The following ZCCHC7 variants were observed in gnomAD, a reference collection of about 807,000 sequenced individuals.
ZCCHC7 encodes the protein zinc finger CCHC domain-containing protein 7.
Under a neutral mutation model 52.0 loss-of-function variants are expected in ZCCHC7, and 35 were observed. That is an observed-to-expected ratio of 0.67 (90% CI 0.51 to 0.89). ZCCHC7 has a LOEUF of 0.89. ZCCHC7 is among the 40% of genes least tolerant of loss of function. ZCCHC7 has a pLI of 0.00. For synonymous variants in ZCCHC7, 217 were observed against 221.5 expected, an observed-to-expected ratio of 0.98 and a Z score of 0.18; for missense variants, 574 against 649.1, an observed-to-expected ratio of 0.88 and a Z score of 1.26.
chr9:37,132,626 T>G (rs962081439), intron 2 of ZCCHC7, among the ~76,000 whole-genome samples: 1 of 151,494 alleles, frequency 6.6e-6, no homozygotes, highest in Non-Finnish European at 1.5e-5. Context: ...TCAGTGTCTG[T>G]GGGGGATTGG....
chr9:37,140,060 A>G (rs1456970356), intron 2 of ZCCHC7, among the ~76,000 whole-genome samples: 7 of 151,980 alleles, frequency 4.6e-5, no homozygotes, highest in Non-Finnish European at 1.0e-4. Flanking sequence ...AATATGACAT[A>G]CATATACATT....
intron 2 of ZCCHC7, among the ~76,000 whole-genome samples, chr9:37,160,762 G>C (rs763762275): frequency 4.6e-5 from 7 of 151,154 alleles, no homozygotes; most frequent in Non-Finnish European, 8.9e-5. Flanking sequence ...AGCTGGTGCC[G>C]GTAATCCCAA....
rs1235834964 is a variant in ZCCHC7 at position 37,357,546 on chromosome 9, A to G, written c.*278A>G. 4.2e-6 allele frequency: 1 copy of G among 237,964 alleles called. No individual in the cohort carries two copies. The highest frequency in any genetic ancestry group is 2.2e-5 in the African/African-American group (1 of 44,716). 14.7% of individuals were successfully genotyped at this position (237,964 alleles called of 1,614,324 possible). A position where few individuals can be genotyped will look rare whatever the true frequency, so the allele number is the denominator to read the frequency against. Reference sequence around the variant, plus strand: ...ATCCTAGGGATAGGTAGAAGAATTCATCTTTTCAAGAAAGTGTTTTAAAAA... The same window carrying G: ...ATCCTAGGGATAGGTAGAAGAATTCGTCTTTTCAAGAAAGTGTTTTAAAAA... On this transcript the variant is annotated 3_prime_UTR_variant, in exon 9 of 9. Transcript: ENST00000336755.
At chr9:37,229,579 T>C (rs981084002) in intron 2 of ZCCHC7, among the ~76,000 whole-genome samples, 2 of 152,136 alleles carry the variant, frequency 1.3e-5, no homozygotes, top group African/African-American at 2.4e-5. Flanking sequence ...GTAAAAAATA[T>C]GGCATAAAAG....
intron 2 of ZCCHC7, among the ~76,000 whole-genome samples, chr9:37,184,118 T>G (rs1216813789): frequency 6.6e-6 from 1 of 152,240 alleles, no homozygotes; most frequent in Non-Finnish European, 1.5e-5. Flanking sequence ...TATGCTGACA[T>G]TCACACTTGT....
chr9:37,350,396 T>C (rs1220542756), intron 7 of ZCCHC7, among the ~76,000 whole-genome samples: 8 of 152,198 alleles, frequency 5.3e-5, no homozygotes, highest in Non-Finnish European at 1.2e-4. Context: ...CCTCCAAAAG[T>C]GTTGGGGTTA....
chr9:37,200,253 C>T (rs1046848826), intron 2 of ZCCHC7, among the ~76,000 whole-genome samples: 1 of 151,778 alleles, frequency 6.6e-6, no homozygotes, highest in African/African-American at 2.4e-5. Flanking sequence ...CCTTTTTTCA[C>T]TCTTCACTGT....
In ZCCHC7 at chr9:37,209,914, T is replaced by C. The variant is rs368047961; in HGVS notation, c.610+82972T>C. Among the ~76,000 whole-genome samples the C allele has an allele frequency of 1.5e-4, 23 of 152,362 alleles. No individual in the cohort carries two copies. In the East Asian group the frequency reaches 1.7e-3, roughly 11 times the overall value. On this transcript the variant is annotated intron_variant, in intron 2 of 8. Coordinates refer to ENST00000336755, the MANE Select transcript of ZCCHC7 (RefSeq NM_032226.3). ...CAGAAGCCTTTCTGGATTATTGGTT[T>C]CTCTTTGAATCCACCAAGGACAGTT...
intron 2 of ZCCHC7, among the ~76,000 whole-genome samples, chr9:37,215,769 A>G (rs1824468323): frequency 6.6e-6 from 1 of 152,216 alleles, no homozygotes; most frequent in Non-Finnish European, 1.5e-5. Context: ...CCTAAGTGGA[A>G]GGGCCATACT....
chr9:37,199,661 TG>T (rs1360841508), intron 2 of ZCCHC7, among the ~76,000 whole-genome samples: 2,793 of 130,604 alleles, frequency 0.021, 86 homozygotes, highest in African/African-American at 0.075. Flanking sequence ...TCTGTCTGTC[TG>T]TCTGTCTTTC....
chr9:37,335,696 G>A (rs1830619044), intron 6 of ZCCHC7, among the ~76,000 whole-genome samples: 2 of 152,048 alleles, frequency 1.3e-5, no homozygotes, highest in Admixed American at 1.3e-4. Flanking sequence ...TCTTTACTCT[G>A]TCTCCTAACA....
At chr9:37,181,106 T>G (rs982018746) in intron 2 of ZCCHC7, among the ~76,000 whole-genome samples, 1 of 152,192 alleles carries the variant, frequency 6.6e-6, no homozygotes, top group Admixed American at 6.5e-5. Context: ...CAAATTACTT[T>G]GTGTAGTTTT....
At chr9:37,175,821 T>C (rs756373614) in intron 2 of ZCCHC7, among the ~76,000 whole-genome samples, 2 of 152,214 alleles carry the variant, frequency 1.3e-5, no homozygotes, top group African/African-American at 4.8e-5. Flanking sequence ...ATGGTAGAAT[T>C]GTCTGTCTTG....
chr9:37,238,714 T>A (rs146036004), intron 2 of ZCCHC7, among the ~76,000 whole-genome samples: 1 of 152,304 alleles, frequency 6.6e-6, no homozygotes, highest in East Asian at 1.9e-4. Flanking sequence ...TTCAACTGTT[T>A]CTTTCTGTGC....
At chr9:37,343,656 T>A (rs1402218327) in intron 6 of ZCCHC7, among the ~76,000 whole-genome samples, 1 of 152,232 alleles carries the variant, frequency 6.6e-6, no homozygotes, top group East Asian at 1.9e-4. Context: ...GCAGAGATTT[T>A]CAGTGTTTGT....
intron 7 of ZCCHC7, among the ~76,000 whole-genome samples, chr9:37,350,529 A>G (rs761208077): frequency 2.0e-5 from 3 of 152,234 alleles, no homozygotes; most frequent in Admixed American, 6.5e-5. Context: ...TCAGTGGTGA[A>G]AAAACAGATG....
rs899801072 is a variant in ZCCHC7 at position 37,226,515 on chromosome 9, T to G, written c.611-75673T>G. 4.6e-5 allele frequency among the ~76,000 whole-genome samples: 7 copies of G among 152,232 alleles called. No individual in the cohort carries two copies. The South Asian group carries it at 1.2e-3, about 27-fold the overall frequency. On this transcript the variant is annotated intron_variant, in intron 2 of 8. Coordinates refer to ENST00000336755, the MANE Select transcript of ZCCHC7 (RefSeq NM_032226.3). Reference sequence around the variant, plus strand: ...AACCGCAGGATAGTATTGTGAAGATTAGTATGTAGATGTATGGGACAGAAA... The same window carrying G: ...AACCGCAGGATAGTATTGTGAAGATGAGTATGTAGATGTATGGGACAGAAA...
chr9:37,222,659 A>T (rs931498744), intron 2 of ZCCHC7, among the ~76,000 whole-genome samples: 1 of 152,138 alleles, frequency 6.6e-6, no homozygotes, highest in African/African-American at 2.4e-5. Flanking sequence ...AAGAATGTTC[A>T]AGAAACTGGT....
chr9:37,202,982 A>G (rs944361642), intron 2 of ZCCHC7, among the ~76,000 whole-genome samples: 4 of 152,272 alleles, frequency 2.6e-5, no homozygotes, highest in African/African-American at 9.6e-5. Flanking sequence ...CAACTATTTC[A>G]GCCAAAGTTT....
Sources: gnomAD v4.1 joint callset for allele counts (sites outside exome capture counted in the v4.1 genomes callset) on GRCh38, gnomAD v4.1.1 for gene constraint, MANE v1.5 for transcripts, NCBI Gene and HGNC (gene_info 2026-07-23, HGNC 2026-07-21) for gene names.